The following FAM227B variants were observed in gnomAD, a reference collection of about 807,000 sequenced individuals.
The protein encoded by FAM227B is family with sequence similarity 227 member B, also known as protein FAM227B.
A neutral mutation model predicts 73.8 loss-of-function variants in FAM227B; 88 were observed. The observed-to-expected ratio is 1.19, with a 90% CI of 1.00 to 1.42. FAM227B has a LOEUF of 1.42. Among genes scored for constraint, FAM227B ranks in the 40% most tolerant of loss-of-function variants. The pLI is 0.00. For missense variants in FAM227B, 632 were observed against 590.9 expected (o/e 1.07, Z -0.72); for synonymous variants, 210 against 190.5 (o/e 1.10, Z -0.84).
chr15:49,337,090 C>T (rs2039843947), intron 13 of FAM227B, among the ~76,000 whole-genome samples: 1 of 152,158 alleles, frequency 6.6e-6, no homozygotes. Flanking sequence ...ATCCAGTCTG[C>T]TGTTGATGGG....
chr15:49,469,138 CTGAA>C (rs1181585784), intron 11 of FAM227B, among the ~76,000 whole-genome samples: 1 of 151,942 alleles, frequency 6.6e-6, no homozygotes, highest in Non-Finnish European at 1.5e-5. Context: ...AAATGTAAGA[CTGAA>C]TGAAATAAAT....
chr15:49,559,669 G>A (rs1158697577), intron 9 of FAM227B, among the ~76,000 whole-genome samples: 2 of 152,140 alleles, frequency 1.3e-5, no homozygotes, highest in Non-Finnish European at 2.9e-5. Flanking sequence ...GGGTGTGGTG[G>A]CTCACGCCTG....
chr15:49,607,164 C>G (rs2077572518), intron 3 of FAM227B, among the ~76,000 whole-genome samples: 1 of 152,076 alleles, frequency 6.6e-6, no homozygotes, highest in South Asian at 2.1e-4. Context: ...TACATTTGTT[C>G]ATTTATTAAC....
intron 13 of FAM227B, among the ~76,000 whole-genome samples, chr15:49,364,915 CT>C (rs1460743421): frequency 6.6e-6 from 1 of 151,874 alleles, no homozygotes; most frequent in Admixed American, 6.6e-5. Context: ...AGACCATATC[CT>C]TTTATTTAAT....
rs12902107 is a variant in FAM227B, at chr15:49,575,126, G to A, written c.547-17C>T. ...AACTCTTTCCTATGGAAAAAAACAA[G>A]AGAGAGATGCATGGAGATTAAAATA... On this transcript the variant is annotated splice_polypyrimidine_tract_variant and intron_variant, in intron 7 of 15. Coordinates refer to ENST00000299338, the MANE Select transcript of FAM227B (RefSeq NM_152647.3). 1,018,898 of 1,388,000 alleles carry A rather than the reference G, an allele frequency of 0.73. 375,329 individuals carry two copies. The highest frequency in any genetic ancestry group is 0.93 in the East Asian group (40,272 of 43,512). The allele number at this position is 1,388,000 out of a possible 1,614,324, so 86.0% of individuals were successfully genotyped here.
At chr15:49,534,218 A>G (rs1201359482) in intron 10 of FAM227B, among the ~76,000 whole-genome samples, 1 of 151,844 alleles carries the variant, frequency 6.6e-6, no homozygotes, top group Non-Finnish European at 1.5e-5. Flanking sequence ...CTGCAGGTAG[A>G]GCCCAAATGA....
At position 49,541,771 on chromosome 15, in the gene FAM227B, T is replaced by G; in HGVS notation, c.783A>C (p.Ala261=). The G allele has an allele frequency of 2.6e-6, 4 of 1,536,066 alleles. No individual in the cohort carries two copies. The highest frequency in any genetic ancestry group is 2.6e-6 in the Non-Finnish European group (3 of 1,141,042). Residue 261 remains alanine, a synonymous_variant, in exon 10 of 16, where the codon GCA becomes GCC. Coordinates refer to ENST00000299338, the MANE Select transcript of FAM227B (RefSeq NM_152647.3). Reference sequence around the variant, plus strand: ...ATTCTGGAAATGCTTCATGGAACGTTGCATATATGGCTTGTGCCAAACAAT... The same window carrying G: ...ATTCTGGAAATGCTTCATGGAACGTGGCATATATGGCTTGTGCCAAACAAT... ...YPDCLAQAIY[A]TFHEAFPESS... is the part of the protein sequence containing the mutation.
At chr15:49,364,636 A>G (rs1294980500) in intron 13 of FAM227B, among the ~76,000 whole-genome samples, 1 of 152,164 alleles carries the variant, frequency 6.6e-6, no homozygotes, top group Non-Finnish European at 1.5e-5. Context: ...CCAAAATTTT[A>G]TATTTCTAAC....
At chr15:49,408,410 C>T (rs2048659591) in intron 11 of FAM227B, among the ~76,000 whole-genome samples, 1 of 152,158 alleles carries the variant, frequency 6.6e-6, no homozygotes, top group South Asian at 2.1e-4. Flanking sequence ...TGACATGGGT[C>T]TTCACTCATT....
intron 10 of FAM227B, among the ~76,000 whole-genome samples, chr15:49,514,243 T>A (rs892382784): frequency 6.6e-6 from 1 of 152,182 alleles, no homozygotes; most frequent in Admixed American, 6.6e-5. Context: ...AGAATGTTTT[T>A]CCATTTGTTT....
intron 11 of FAM227B, among the ~76,000 whole-genome samples, chr15:49,416,230 T>C (rs989906042): frequency 4.1e-5 from 6 of 146,156 alleles, no homozygotes; most frequent in Non-Finnish European, 7.4e-5. Flanking sequence ...ACTTCCAGAA[T>C]ATTCACCATT....
intron 11 of FAM227B, among the ~76,000 whole-genome samples, chr15:49,449,237 T>C (rs1013097375): frequency 5.9e-5 from 9 of 152,014 alleles, no homozygotes; most frequent in African/African-American, 1.9e-4. Flanking sequence ...GGGCTCCTAG[T>C]ATTTATTGCT....
chr15:49,520,174 T>C (rs1484399718), intron 10 of FAM227B, among the ~76,000 whole-genome samples: 1 of 152,162 alleles, frequency 6.6e-6, no homozygotes, highest in Non-Finnish European at 1.5e-5. Context: ...AAATTCCTCA[T>C]CTCCGTCTGA....
chr15:49,430,112 C>T (rs2151779629), intron 11 of FAM227B, among the ~76,000 whole-genome samples: 1 of 151,996 alleles, frequency 6.6e-6, no homozygotes, highest in East Asian at 1.9e-4. Context: ...ACCTCTCTGA[C>T]AAATCTTAGT....
chr15:49,608,625 T>A (rs932297259), intron 3 of FAM227B, among the ~76,000 whole-genome samples: 2 of 151,876 alleles, frequency 1.3e-5, no homozygotes, highest in Non-Finnish European at 2.9e-5. Flanking sequence ...AATAAACAAA[T>A]AAGCAAATAA....
intron 3 of FAM227B, among the ~76,000 whole-genome samples, chr15:49,607,981 C>G (rs1399018676): frequency 6.6e-6 from 1 of 152,078 alleles, no homozygotes; most frequent in East Asian, 1.9e-4. Flanking sequence ...TGTGGCCAGA[C>G]CTAAAAAGGC....
chr15:49,415,592 T>C (rs1279680980), intron 11 of FAM227B, among the ~76,000 whole-genome samples: 1 of 152,234 alleles, frequency 6.6e-6, no homozygotes, highest in Non-Finnish European at 1.5e-5. Context: ...CACAATTCAG[T>C]AAATTCATAA....
intron 11 of FAM227B, among the ~76,000 whole-genome samples, chr15:49,401,966 C>T (rs1258129324): frequency 6.7e-6 from 1 of 150,004 alleles, no homozygotes; most frequent in African/African-American, 2.5e-5. Flanking sequence ...CTAACCTGCA[C>T]AATGTGCACA....
chr15:49,424,472 A>C (rs776131808), intron 11 of FAM227B: 15 of 1,613,594 alleles, frequency 9.3e-6, no homozygotes, highest in East Asian at 6.7e-5. Flanking sequence ...TTATGATTAC[A>C]TGGAAGGAGG....
Sources: allele counts gnomAD v4.1 joint callset (sites outside exome capture counted in the v4.1 genomes callset), GRCh38; gene constraint gnomAD v4.1.1; transcripts MANE v1.5; gene names NCBI Gene and HGNC (gene_info 2026-07-23, HGNC 2026-07-21).